Variants in RFC1 observed in about 807,000 individuals in gnomAD.
RFC1 encodes A1 140 kDa subunit.
Under a neutral mutation model 137.4 loss-of-function variants are expected in RFC1, and 37 were observed. The observed-to-expected ratio is 0.27, with a 90% CI of 0.21 to 0.35. The LOEUF is 0.35. Among genes scored for constraint, RFC1 ranks in the 10% least tolerant of loss-of-function variants. The pLI is 1.00. For missense variants in RFC1, 1,205 were observed against 1,358.5 expected (o/e 0.89, Z 1.78); for synonymous variants, 429 against 455.7 (o/e 0.94, Z 0.75).
At chr4:39,361,313 T>C (rs575643309) in intron 1 of RFC1, among the ~76,000 whole-genome samples, 4 of 152,020 alleles carry the variant, frequency 2.6e-5, no homozygotes, top group Non-Finnish European at 5.9e-5. Flanking sequence ...CACTTGAACT[T>C]GGGAGGCGGA....
Position 39,320,647 on chromosome 4 carries a change from A to G in RFC1, c.831T>C (p.Asp277=), listed in dbSNP as rs764154570. 5 of 1,580,932 alleles carry G rather than the reference A, an allele frequency of 3.2e-6. No homozygotes were observed. The African/African-American group carries it at 6.9e-5, about 22-fold the overall frequency. Residue 277 remains aspartate, a synonymous_variant, in exon 9 of 25, where the codon GAT becomes GAC. Transcript: ENST00000349703. The stretch of plus-strand genomic sequence containing the variant: ...TCCTAGGACTGTAGCTCTTTCTTTC[A>G]TCTGAAACTTGTGCTGTTTTTACTA... ...PHKVKTAQVS[D]ERKSYSPRKQ...
intron 1 of RFC1, among the ~76,000 whole-genome samples, chr4:39,355,136 C>CACAA (rs1383123973): frequency 2.3e-5 from 3 of 131,420 alleles, no homozygotes; most frequent in African/African-American, 8.7e-5. Flanking sequence ...CACACACACA[C>CACAA]AACAGGCCAG....
intron 4 of RFC1, among the ~76,000 whole-genome samples, chr4:39,336,034 G>C (rs919429750): frequency 6.6e-6 from 1 of 152,048 alleles, no homozygotes; most frequent in Non-Finnish European, 1.5e-5. Flanking sequence ...AAGATGCTTC[G>C]GAACCTCAGT....
At chr4:39,341,346 T>C (rs539564015) in intron 4 of RFC1, 1 of 315,576 alleles carries the variant, frequency 3.2e-6, no homozygotes, top group African/African-American at 2.2e-5. Flanking sequence ...GCCTCTTAAT[T>C]TAAGAGTTCG....
chr4:39,359,124 C>A (rs1188691188), intron 1 of RFC1, among the ~76,000 whole-genome samples: 1 of 152,124 alleles, frequency 6.6e-6, no homozygotes, highest in Non-Finnish European at 1.5e-5. Context: ...ACTGCTTTTC[C>A]TCCTCCCTCT....
rs1159272925 is a variant in RFC1, at chr4:39,363,886, CAAA to C, written c.3+2350_3+2352del. Reference sequence around the variant, plus strand: ...AGCCTGGGCAAAACAGCAAGACTCTCAAAAAAAAAAAAAAAAGAAGAAGAAGAA... The same window carrying C: ...AGCCTGGGCAAAACAGCAAGACTCTCAAAAAAAAAAAAAGAAGAAGAAGAA... On this transcript the variant is annotated intron_variant, in intron 1 of 24. Transcript: ENST00000349703. Among the ~76,000 whole-genome samples the C allele has an allele frequency of 6.9e-3, 521 of 75,988 alleles. 4 individuals carry two copies. The highest frequency in any genetic ancestry group is 0.026 in the African/African-American group (495 of 19,370). The allele number at this position is 75,988 out of a possible 152,430, so 49.9% of individuals were successfully genotyped here.
At chr4:39,344,111 C>T (rs1277996099) in intron 3 of RFC1, among the ~76,000 whole-genome samples, 1 of 146,728 alleles carries the variant, frequency 6.8e-6, no homozygotes, top group African/African-American at 2.5e-5. Context: ...AAAATTCCGT[C>T]TCAAAAAAAA....
intron 9 of RFC1, among the ~76,000 whole-genome samples, chr4:39,319,166 C>G (rs1739393414): frequency 6.6e-6 from 1 of 152,162 alleles, no homozygotes; most frequent in African/African-American, 2.4e-5. Context: ...AGGCACTGCT[C>G]TAAGTGCTTT....
intron 21 of RFC1, among the ~76,000 whole-genome samples, chr4:39,296,430 G>C (rs17335431): frequency 3.4e-4 from 33 of 96,206 alleles, no homozygotes; most frequent in Middle Eastern, 5.5e-3. Context: ...AGTCCCCAGA[G>C]TGTGATATTC....
chr4:39,319,610 A>G (rs1242562039), intron 9 of RFC1, among the ~76,000 whole-genome samples: 1 of 152,196 alleles, frequency 6.6e-6, no homozygotes, highest in Non-Finnish European at 1.5e-5. Context: ...ATGACTTATG[A>G]TCGTTAGAAA....
chr4:39,298,348 A>G (rs1001224607), intron 21 of RFC1, among the ~76,000 whole-genome samples: 1 of 151,580 alleles, frequency 6.6e-6, no homozygotes, highest in African/African-American at 2.4e-5. Context: ...GTATCTCCAG[A>G]ATGAAATTTT....
chr4:39,351,518 G>T (rs536121537), intron 1 of RFC1, 42 bp from the exon 2 acceptor site: 1 of 1,471,694 alleles, frequency 6.8e-7, no homozygotes, highest in Non-Finnish European at 9.0e-7. Context: ...AACATTAACC[G>T]CATAAAATTA....
intron 4 of RFC1, among the ~76,000 whole-genome samples, chr4:39,330,686 C>CA (rs1430601070): frequency 1.3e-5 from 2 of 152,196 alleles, no homozygotes; most frequent in Non-Finnish European, 2.9e-5. Flanking sequence ...TAAATTTCCC[C>CA]ATTTTGCTTA....
chr4:39,323,291 C>CT, intron 7 of RFC1, 49 bp downstream of exon 7: 2 of 1,430,396 alleles, frequency 1.4e-6, no homozygotes, highest in Non-Finnish European at 1.9e-6. Context: ...AGTATGAACA[C>CT]TGATCTGTAC....
intron 3 of RFC1, among the ~76,000 whole-genome samples, chr4:39,344,614 T>C (rs1426642295): frequency 1.3e-5 from 2 of 152,084 alleles, no homozygotes; most frequent in Non-Finnish European, 2.9e-5. Flanking sequence ...TTATAAAATT[T>C]CATCTCTACT....
intron 14 of RFC1, 141 bp downstream of exon 14, chr4:39,306,451 T>C: frequency 1.8e-6 from 1 of 558,588 alleles, no homozygotes; most frequent in South Asian, 2.6e-5. Context: ...TCTAAAGGTT[T>C]TATCTTAGAA....
chr4:39,291,493 C>T (rs1421393067), intron 23 of RFC1, 146 bp downstream of exon 23: 2 of 636,152 alleles, frequency 3.1e-6, no homozygotes, highest in Admixed American at 2.6e-5. Context: ...CAAATAGTAT[C>T]TTTGGAAAAT....
At chr4:39,347,007 A>G (rs559751321) in intron 2 of RFC1, among the ~76,000 whole-genome samples, 10 of 152,346 alleles carry the variant, frequency 6.6e-5, no homozygotes, top group African/African-American at 2.4e-4. Context: ...GATAAACCAA[A>G]AGAACACTCT....
chr4:39,292,537 C>T (rs1737739136), intron 22 of RFC1, among the ~76,000 whole-genome samples: 1 of 152,144 alleles, frequency 6.6e-6, no homozygotes, highest in Non-Finnish European at 1.5e-5. Context: ...CTGAACAAAA[C>T]AATATTTCAA....
Sources: allele counts gnomAD v4.1 joint callset (sites outside exome capture counted in the v4.1 genomes callset), GRCh38; gene constraint gnomAD v4.1.1; transcripts MANE v1.5; gene names NCBI Gene and HGNC (gene_info 2026-07-23, HGNC 2026-07-21).